Variants in ROR1 observed in about 807,000 individuals in gnomAD.
ROR1 encodes the protein ROR family WNT receptor 1.
Under a neutral mutation model 78.8 loss-of-function variants are expected in ROR1, and 19 were observed. That is an observed-to-expected ratio of 0.24 (90% CI 0.17 to 0.35). The LOEUF (loss-of-function observed/expected upper bound fraction) is 0.35, where lower values mean the gene tolerates loss of function less well. ROR1 is among the 10% of genes least tolerant of loss of function. The pLI is 1.00. For missense variants in ROR1, 917 were observed against 1,177.8 expected (o/e 0.78, Z 3.24); for synonymous variants, 386 against 433.6 (o/e 0.89, Z 1.36).
At chr1:63,867,313 G>A (rs1645222357) in intron 1 of ROR1, among the ~76,000 whole-genome samples, 1 of 152,106 alleles carries the variant, frequency 6.6e-6, no homozygotes, top group Non-Finnish European at 1.5e-5. Context: ...GCTCACGGAG[G>A]TTTATTGGCC....
Position 63,867,736 on chromosome 1 carries a change from G to A in ROR1, c.91+93228G>A, listed in dbSNP as rs114479460. Among the ~76,000 whole-genome samples, 479 of 152,294 alleles carry A rather than the reference G, an allele frequency of 3.1e-3. 4 individuals carry two copies. The highest frequency in any genetic ancestry group is 0.011 in the African/African-American group (462 of 41,566). On this transcript the variant is annotated intron_variant, in intron 1 of 8. Transcript: ENST00000371079. Reference sequence around the variant, plus strand: ...AAAGTCAGAGCAAATTTATGGGCCTGCCCCTGACCACTTGTCCTTTATCCT... The same window carrying A: ...AAAGTCAGAGCAAATTTATGGGCCTACCCCTGACCACTTGTCCTTTATCCT...
rs371566720 is a variant in ROR1 at position 64,048,041 on chromosome 1, G to A, written c.164-1650G>A. ...ACAATGTTCCTTCTGAATTTGGGGG[G>A]ACGGAAATTAAAGCAAATAATGAAT... On this transcript the variant is annotated intron_variant, in intron 2 of 8. Transcript: ENST00000371079. Among the ~76,000 whole-genome samples, 273 of 152,300 alleles carry A rather than the reference G, an allele frequency of 1.8e-3. 11 individuals are homozygous for A. The South Asian group carries it at 0.055, about 31-fold the overall frequency.
At chr1:63,977,321 A>G (rs1286633844) in intron 1 of ROR1, among the ~76,000 whole-genome samples, 1 of 152,158 alleles carries the variant, frequency 6.6e-6, no homozygotes, top group African/African-American at 2.4e-5. Context: ...GCCTGAAACA[A>G]AATTTTGACT....
intron 1 of ROR1, among the ~76,000 whole-genome samples, chr1:63,942,253 C>T (rs566962865): frequency 6.6e-6 from 1 of 152,220 alleles, no homozygotes; most frequent in South Asian, 2.1e-4. Context: ...CCTTGGTTCC[C>T]ATGTTTGATA....
chr1:63,952,927 C>T (rs552833200), intron 1 of ROR1, among the ~76,000 whole-genome samples: 39 of 152,246 alleles, frequency 2.6e-4, no homozygotes, highest in Non-Finnish European at 5.4e-4. Flanking sequence ...AGCTACACTG[C>T]ATAGCAAACA....
intron 2 of ROR1, among the ~76,000 whole-genome samples, chr1:64,009,926 G>C (rs1646462671): frequency 6.6e-6 from 1 of 152,126 alleles, no homozygotes; most frequent in Non-Finnish European, 1.5e-5. Context: ...ATTTTATAAA[G>C]ACCCTATGTC....
At chr1:63,916,991 G>A (rs546596571) in intron 1 of ROR1, among the ~76,000 whole-genome samples, 2 of 152,206 alleles carry the variant, frequency 1.3e-5, no homozygotes, top group Middle Eastern at 3.4e-3. Flanking sequence ...TGTCCTCTGC[G>A]TGTGAGCCCT....
chr1:63,932,410 G>A (rs1001832863), intron 1 of ROR1, among the ~76,000 whole-genome samples: 3 of 152,092 alleles, frequency 2.0e-5, no homozygotes, highest in Admixed American at 6.6e-5. Flanking sequence ...AGAATAGCCC[G>A]GCCTCCCTTC....
intron 5 of ROR1, among the ~76,000 whole-genome samples, 187 bp from the exon 6 acceptor site, chr1:64,139,922 T>C (rs1175204367): frequency 6.6e-6 from 1 of 152,224 alleles, no homozygotes; most frequent in African/African-American, 2.4e-5. Flanking sequence ...GTAGTCAAAA[T>C]GGTTTTTTTC....
intron 1 of ROR1, among the ~76,000 whole-genome samples, chr1:63,872,317 A>G (rs2100360967): frequency 6.6e-6 from 1 of 152,258 alleles, no homozygotes; most frequent in South Asian, 2.1e-4. Flanking sequence ...TAAAAATGGG[A>G]AGCAGCAAGG....
chr1:64,049,932 C>T lies in ROR1; in HGVS notation c.405C>T (p.Asn135=), dbSNP rs146643828. ...DTGYFQCVAT[N]GKEVVSSTGV... ...GCTACTTCCAGTGCGTGGCAACAAA[C>T]GGCAAGGAGGTGGTTTCTTCCACTG... is the stretch of plus-strand genomic sequence containing the variant. Residue 135 remains asparagine (N), a synonymous_variant, in exon 3 of 9, where the codon AAC becomes AAT. Transcript: ENST00000371079. 1.5e-4 allele frequency: 238 copies of T among 1,614,082 alleles called. No individual in the cohort carries two copies. The highest frequency in any genetic ancestry group is 1.8e-4 in the Non-Finnish European group (214 of 1,180,044).
chr1:64,160,750 T>C (rs1293305551), intron 8 of ROR1, among the ~76,000 whole-genome samples: 4 of 152,212 alleles, frequency 2.6e-5, no homozygotes, highest in Non-Finnish European at 5.9e-5. Context: ...AAGCTTCTAG[T>C]GTAAGAGTCA....
At chr1:64,090,187 G>A (rs970896013) in intron 4 of ROR1, among the ~76,000 whole-genome samples, 12 of 152,134 alleles carry the variant, frequency 7.9e-5, no homozygotes, top group Non-Finnish European at 1.5e-4. Flanking sequence ...AAGAGAAAAA[G>A]CCTATTGTCT....
At chr1:63,782,372 C>A (rs933246463) in intron 1 of ROR1, among the ~76,000 whole-genome samples, 1 of 152,000 alleles carries the variant, frequency 6.6e-6, no homozygotes, top group African/African-American at 2.4e-5. Flanking sequence ...CAGGCAGAAT[C>A]GGTATGATCC....
chr1:63,838,296 TGAAG>T (rs1172897331), intron 1 of ROR1, among the ~76,000 whole-genome samples: 3 of 151,932 alleles, frequency 2.0e-5, no homozygotes, highest in African/African-American at 4.8e-5. Context: ...CTGAAGGACC[TGAAG>T]GCAGGTCCTT....
chr1:63,867,833 C>T (rs1645226185), intron 1 of ROR1, among the ~76,000 whole-genome samples: 1 of 152,212 alleles, frequency 6.6e-6, no homozygotes, highest in Admixed American at 6.5e-5. Flanking sequence ...GGGCAGGGGC[C>T]AAATATCCCA....
intron 2 of ROR1, among the ~76,000 whole-genome samples, chr1:64,017,058 A>G (rs185441101): frequency 2.0e-3 from 308 of 151,722 alleles, no homozygotes; most frequent in African/African-American, 7.1e-3. Flanking sequence ...CTGGGACCAC[A>G]GGTGCACCAT....
intron 1 of ROR1, chr1:63,789,164 A>G (rs1217613103): frequency 3.4e-6 from 2 of 592,720 alleles, no homozygotes; most frequent in South Asian, 1.5e-5. Flanking sequence ...TCATCAGCCC[A>G]TCTTTGATCA....
chr1:64,173,101 C>T (rs1233018664), intron 8 of ROR1, among the ~76,000 whole-genome samples: 1 of 152,192 alleles, frequency 6.6e-6, no homozygotes, highest in African/African-American at 2.4e-5. Flanking sequence ...AAATGCAAAT[C>T]ACTGTGGAAA....
Sources: allele counts gnomAD v4.1 joint callset (sites outside exome capture counted in the v4.1 genomes callset), GRCh38; gene constraint gnomAD v4.1.1; transcripts MANE v1.5; gene names NCBI Gene and HGNC (gene_info 2026-07-23, HGNC 2026-07-21).